The following MITF variants were observed in gnomAD, a reference collection of about 807,000 sequenced individuals.
MITF encodes microphthalmia-associated transcription factor.
MITF carries 17 observed loss-of-function variants against 60.5 expected under a neutral mutation model. The observed-to-expected ratio is 0.28, with a 90% CI of 0.19 to 0.42. MITF has a LOEUF of 0.42. MITF is among the 10% of genes least tolerant of loss of function. The pLI is 1.00. For missense variants in MITF, 622 were observed against 683.5 expected (o/e 0.91, Z 1.00); for synonymous variants, 260 against 248.5 (o/e 1.05, Z -0.43).
intron 2 of MITF, among the ~76,000 whole-genome samples, chr3:69,924,495 G>T (rs904782099): frequency 1.3e-5 from 2 of 152,186 alleles, no homozygotes; most frequent in African/African-American, 4.8e-5. Context: ...ATAAATATGT[G>T]TGCACTGTGT....
At chr3:69,812,998 C>A (rs1006025979) in intron 1 of MITF, among the ~76,000 whole-genome samples, 5 of 151,982 alleles carry the variant, frequency 3.3e-5, no homozygotes, top group African/African-American at 1.2e-4. Context: ...TATTAATGCC[C>A]AAATGTACAC....
At chr3:69,839,023 G>T (rs1335802460) in intron 1 of MITF, among the ~76,000 whole-genome samples, 2 of 152,140 alleles carry the variant, frequency 1.3e-5, no homozygotes, top group Non-Finnish European at 2.9e-5. Context: ...AAATGGTTTA[G>T]ATTTTGCTGA....
chr3:69,813,074 T>G (rs1351271836), intron 1 of MITF, among the ~76,000 whole-genome samples: 1 of 152,088 alleles, frequency 6.6e-6, no homozygotes, highest in African/African-American at 2.4e-5. Flanking sequence ...AATTATACAA[T>G]TGGAATAGAA....
intron 1 of MITF, among the ~76,000 whole-genome samples, chr3:69,820,789 C>T (rs576759735): frequency 4.3e-4 from 65 of 152,174 alleles, no homozygotes; most frequent in Non-Finnish European, 7.4e-4. Flanking sequence ...TGGGCAACAT[C>T]GTGAAAAGAT....
At chr3:69,910,192 C>T (rs1285192910) in intron 2 of MITF, among the ~76,000 whole-genome samples, 1 of 152,222 alleles carries the variant, frequency 6.6e-6, no homozygotes, top group African/African-American at 2.4e-5. Flanking sequence ...TTGGAGGCCC[C>T]AAACCTTGGC....
intron 1 of MITF, among the ~76,000 whole-genome samples, chr3:69,849,033 C>A (rs1244297752): frequency 7.4e-6 from 1 of 134,996 alleles, no homozygotes; most frequent in Non-Finnish European, 1.5e-5. Context: ...GGCGGGATCT[C>A]GGCTCACTGC....
chr3:69,796,772 C>G (rs1266935977), intron 1 of MITF, among the ~76,000 whole-genome samples: 1 of 152,174 alleles, frequency 6.6e-6, no homozygotes, highest in Non-Finnish European at 1.5e-5. Context: ...TCCCAAAGTG[C>G]AAACACCGTC....
chr3:69,784,821 A>G (rs2062622119), intron 1 of MITF, among the ~76,000 whole-genome samples: 1 of 152,158 alleles, frequency 6.6e-6, no homozygotes, highest in Non-Finnish European at 1.5e-5. Flanking sequence ...AAATAGGAAA[A>G]TGATGATCTA....
chr3:69,894,595 A>AG (rs2107328160), intron 2 of MITF, among the ~76,000 whole-genome samples: 1 of 151,712 alleles, frequency 6.6e-6, no homozygotes, highest in Admixed American at 6.6e-5. Flanking sequence ...CTGAGAAAGG[A>AG]GAATCCCTTG....
At chr3:69,848,802 A>G (rs2063774217) in intron 1 of MITF, among the ~76,000 whole-genome samples, 1 of 152,084 alleles carries the variant, frequency 6.6e-6, no homozygotes, top group Admixed American at 6.5e-5. Flanking sequence ...CACCACAGAC[A>G]TCCCAAAGAC....
At chr3:69,923,563 C>T (rs767822932) in intron 2 of MITF, among the ~76,000 whole-genome samples, 2 of 152,138 alleles carry the variant, frequency 1.3e-5, no homozygotes, top group African/African-American at 2.4e-5. Flanking sequence ...CTGAAGTGAT[C>T]GGCCTGCCTT....
chr3:69,774,990 A>T (rs557348640), intron 1 of MITF, among the ~76,000 whole-genome samples: 5 of 152,020 alleles, frequency 3.3e-5, no homozygotes, highest in African/African-American at 9.7e-5. Flanking sequence ...CTTCACACAC[A>T]TTCTTCCTGC....
chr3:69,745,893 T>C (rs1247287095), intron 1 of MITF, among the ~76,000 whole-genome samples: 2 of 152,244 alleles, frequency 1.3e-5, no homozygotes, highest in Non-Finnish European at 2.9e-5. Context: ...AATGTATAAA[T>C]GTGTTTAACA....
intron 2 of MITF, among the ~76,000 whole-genome samples, chr3:69,893,676 T>C (rs1374783665): frequency 6.6e-6 from 1 of 152,208 alleles, no homozygotes; most frequent in Non-Finnish European, 1.5e-5. Context: ...CTACCTATGA[T>C]CTAGAATTAA....
intron 1 of MITF, among the ~76,000 whole-genome samples, chr3:69,837,464 A>T (rs1261533772): frequency 3.3e-5 from 5 of 152,318 alleles, no homozygotes; most frequent in Admixed American, 2.6e-4. Context: ...TCAATATATG[A>T]CCGAATAAAA....
intron 1 of MITF, among the ~76,000 whole-genome samples, chr3:69,781,943 T>C (rs992676232): frequency 2.6e-5 from 4 of 152,256 alleles, no homozygotes; most frequent in African/African-American, 9.6e-5. Context: ...ATTGCCTGTC[T>C]CGTTGATGAG....
intron 2 of MITF, among the ~76,000 whole-genome samples, chr3:69,881,121 A>G (rs1440769627): frequency 5.3e-5 from 8 of 152,086 alleles, no homozygotes. Flanking sequence ...TTTGAATAAC[A>G]TACCAATATT....
chr3:69,803,803 A>G (rs1384183740), intron 1 of MITF, among the ~76,000 whole-genome samples: 3 of 151,548 alleles, frequency 2.0e-5, no homozygotes, highest in African/African-American at 4.8e-5. Context: ...TATGAACTCC[A>G]TTGATCTAAT....
intron 1 of MITF, among the ~76,000 whole-genome samples, chr3:69,780,674 CCTCT>C (rs2062548521): frequency 6.6e-6 from 1 of 152,128 alleles, no homozygotes; most frequent in Admixed American, 6.6e-5. Flanking sequence ...GGTTTCAGGA[CCTCT>C]TGTGGCCTCT....
Sources: gnomAD v4.1 joint callset for allele counts (sites outside exome capture counted in the v4.1 genomes callset) on GRCh38, gnomAD v4.1.1 for gene constraint, MANE v1.5 for transcripts, NCBI Gene and HGNC (gene_info 2026-07-23, HGNC 2026-07-21) for gene names.